GARNL3: variants seen among roughly 807,000 people sequenced by gnomAD.
The protein encoded by GARNL3 is GTPase-activating Rap/Ran-GAP domain-like protein 3.
In GARNL3, 63 loss-of-function variants were observed where a neutral mutation model predicts 125.0. The ratio of observed to expected loss-of-function variants is 0.50; its 90% CI spans 0.41 to 0.62. The LOEUF (loss-of-function observed/expected upper bound fraction) is 0.62, where lower values mean the gene tolerates loss of function less well. GARNL3 is among the 20% of genes least tolerant of loss of function. The pLI is 0.00. For synonymous variants in GARNL3, 439 were observed against 457.5 expected (o/e 0.96, Z 0.52); for missense variants, 994 against 1,244.0 (o/e 0.80, Z 3.02).
intron 11 of GARNL3, 139 bp downstream of exon 11, chr9:127,336,375 C>T: frequency 1.7e-6 from 1 of 587,488 alleles, no homozygotes; most frequent in Non-Finnish European, 3.0e-6. Flanking sequence ...GGAATTTTTC[C>T]TAAGCATTGT....
chr9:127,300,180 G>A (rs2064741373), intron 2 of GARNL3: 1 of 331,006 alleles, frequency 3.0e-6, no homozygotes, highest in Non-Finnish European at 6.2e-6. Flanking sequence ...CATCTGTAAA[G>A]TCTTCCTGAA....
chr9:127,393,388 C>G lies in GARNL3; in HGVS notation c.*134C>G. 1 of 693,740 alleles carries G rather than the reference C, an allele frequency of 1.4e-6. No homozygotes were observed. Among genetic ancestry groups the G allele is most frequent in the South Asian group, 2.3e-5 (1 of 44,224 alleles). 43.0% of individuals were successfully genotyped at this position (693,740 alleles called of 1,614,324 possible). ...TCTATTGGACCAAACCTTCTGCACA[C>G]TCGGCCAGTTCCCTCTCCAATGTCC... On this transcript the variant is annotated 3_prime_UTR_variant, in exon 28 of 28. Transcript: ENST00000373387.
At chr9:127,341,627 A>T (rs575265631) in intron 13 of GARNL3, among the ~76,000 whole-genome samples, 1 of 152,120 alleles carries the variant, frequency 6.6e-6, no homozygotes, top group Non-Finnish European at 1.5e-5. Flanking sequence ...GACAGCATTC[A>T]CTGTAGGGGG....
At chr9:127,291,730 T>A (rs1380304809) in intron 2 of GARNL3, among the ~76,000 whole-genome samples, 1 of 141,600 alleles carries the variant, frequency 7.1e-6, no homozygotes, top group African/African-American at 2.7e-5. Flanking sequence ...ACCTTGCTTT[T>A]TTTTTTTTTT....
At chr9:127,308,653 C>G (rs559449638) in intron 2 of GARNL3, among the ~76,000 whole-genome samples, 109 of 152,220 alleles carry the variant, frequency 7.2e-4, no homozygotes, top group South Asian at 1.5e-3. Context: ...TGAAATGATC[C>G]TGTACTGAAG....
chr9:127,384,354 T>C lies in GARNL3; in HGVS notation c.2270-673T>C, dbSNP rs1405254570. Among the ~76,000 whole-genome samples, 2 of 151,692 alleles carry C rather than the reference T, an allele frequency of 1.3e-5. No homozygotes were observed. Among genetic ancestry groups the C allele is most frequent in the Non-Finnish European group, 2.9e-5 (2 of 67,922 alleles). On this transcript the variant is annotated intron_variant, in intron 23 of 27. Coordinates refer to ENST00000373387, the MANE Select transcript of GARNL3 (RefSeq NM_032293.5). The surrounding 1 kb of genome is among the most constrained non-coding windows in gnomAD (Gnocchi z 4.0). The stretch of plus-strand genomic sequence containing the variant: ...ATGGAAAGAGTGCAGAGAGAGCCAG[T>C]GCGAAGAAGGGGACAACACGAAGTG...
rs1232660758 is a variant in GARNL3 at position 127,357,387 on chromosome 9, C to T, written c.2094+10C>T. Reference sequence around the variant, plus strand: ...CGTGGAGGCCAACAGGGTAAGCCAGCGGTTGTGGGGACAAGTGAGAATCAG... The same window carrying T: ...CGTGGAGGCCAACAGGGTAAGCCAGTGGTTGTGGGGACAAGTGAGAATCAG... On this transcript the variant is annotated intron_variant, in intron 21 of 27. Transcript: ENST00000373387. 2 of 1,612,032 alleles carry T rather than the reference C, an allele frequency of 1.2e-6. No homozygotes were observed. The highest frequency in any genetic ancestry group is 1.7e-5 in the Admixed American group (1 of 59,914).
At chr9:127,269,099 A>G (rs1428804448) in intron 1 of GARNL3, among the ~76,000 whole-genome samples, 1 of 152,148 alleles carries the variant, frequency 6.6e-6, no homozygotes, top group Non-Finnish European at 1.5e-5. Flanking sequence ...CCTGGGCTCA[A>G]GTAATCCTCC....
upstream of GARNL3, chr9:127,263,763 G>A (rs2063642406): frequency 8.2e-7 from 1 of 1,221,330 alleles, no homozygotes; most frequent in Non-Finnish European, 1.0e-6. Context: ...GACTACAAAA[G>A]GTTAAATTTC....
chr9:127,356,426 A>G (rs1326912116), intron 20 of GARNL3: 1 of 152,212 alleles, frequency 6.6e-6, no homozygotes, highest in African/African-American at 2.4e-5. Flanking sequence ...TTATCTTTTA[A>G]AGACTAGGGT....
At chr9:127,262,802 G>A (rs78942182), upstream of GARNL3, among the ~76,000 whole-genome samples, 4,156 of 152,344 alleles carry the variant, frequency 0.027, 190 homozygotes, top group African/African-American at 0.095. Flanking sequence ...TCCACTATGT[G>A]CCAGGCAGTA....
intron 3 of GARNL3, chr9:127,313,208 C>G: frequency 2.0e-6 from 1 of 505,740 alleles, no homozygotes; most frequent in South Asian, 2.3e-5. Flanking sequence ...TGGCAGATTT[C>G]TCCAGTCTCA....
At chr9:127,370,328 T>C (rs1831540631) in intron 22 of GARNL3, among the ~76,000 whole-genome samples, 1 of 152,102 alleles carries the variant, frequency 6.6e-6, no homozygotes, top group African/African-American at 2.4e-5. Context: ...GTGGGAAATA[T>C]CAGGAGTTTA....
chr9:127,357,660 G>A (rs760105526), intron 21 of GARNL3, among the ~76,000 whole-genome samples: 8 of 152,090 alleles, frequency 5.3e-5, no homozygotes, highest in Middle Eastern at 3.2e-3. Context: ...TGAAAAGGCC[G>A]GGCACAATGG....
intron 4 of GARNL3, among the ~76,000 whole-genome samples, chr9:127,315,198 CTG>C (rs1304944424): frequency 6.6e-6 from 1 of 152,214 alleles, no homozygotes; most frequent in Non-Finnish European, 1.5e-5. Flanking sequence ...GAAATCAAAA[CTG>C]AGCATTGGCA....
At position 127,388,957 on chromosome 9, in the gene GARNL3, A is replaced by C; in HGVS notation, c.2581A>C (p.Arg861=). The C allele has an allele frequency of 1.9e-6, 3 of 1,613,848 alleles. No homozygotes were observed. The highest frequency in any genetic ancestry group is 2.5e-6 in the Non-Finnish European group (3 of 1,179,668). The change falls in exon 26 of 28, where the codon AGA becomes CGA. Residue 861 remains arginine, a synonymous_variant. Transcript: ENST00000373387. ...YKIPLRNLVG[R]SIERPLKSPL... is the part of the protein sequence containing the mutation. The stretch of plus-strand genomic sequence containing the variant: ...GATTCCACTTAGAAACCTCGTGGGC[A>C]GAAGCATCGAACGACCTCTGAAGTC...
intron 17 of GARNL3, among the ~76,000 whole-genome samples, chr9:127,349,529 A>C (rs1588906602): frequency 6.6e-6 from 1 of 152,366 alleles, no homozygotes; most frequent in South Asian, 2.1e-4. Flanking sequence ...ACAAGGAGAC[A>C]GATTCCAGCT....
chr9:127,237,737 G>T (rs2063138350), intron 1 of GARNL3, among the ~76,000 whole-genome samples: 1 of 152,212 alleles, frequency 6.6e-6, no homozygotes, highest in Admixed American at 6.5e-5. Context: ...TCAGTTGGGT[G>T]CTTGAGGTAG....
chr9:127,264,544 T>C, upstream of GARNL3: 1 of 1,021,960 alleles, frequency 9.8e-7, no homozygotes, highest in African/African-American at 1.7e-5. Context: ...GACAAAGAGC[T>C]CTCTTAAATG....
Sources: gnomAD v4.1 joint callset for allele counts (sites outside exome capture counted in the v4.1 genomes callset) on GRCh38, gnomAD v4.1.1 for gene constraint, Gnocchi (gnomAD v3.1) non-coding constraint, MANE v1.5 for transcripts, NCBI Gene and HGNC (gene_info 2026-07-23, HGNC 2026-07-21) for gene names.